The following PLEKHA6 variants were observed in gnomAD, a reference collection of about 807,000 sequenced individuals.
PLEKHA6 encodes pleckstrin homology domain containing A6, also known as pleckstrin homology domain-containing family A member 6.
PLEKHA6 carries 60 observed loss-of-function variants against 116.7 expected under a neutral mutation model. The ratio of observed to expected loss-of-function variants is 0.51; its 90% confidence interval spans 0.42 to 0.64. PLEKHA6 has a LOEUF of 0.64. Ranked by LOEUF, PLEKHA6 falls within the 30% of genes least tolerant of loss-of-function variation. The pLI is 0.00. For missense variants in PLEKHA6, 1,338 were observed against 1,422.7 expected, an observed-to-expected ratio of 0.94 and a Z score of 0.96; for synonymous variants, 489 against 556.1, an observed-to-expected ratio of 0.88 and a Z score of 1.70.
chr1:204,299,828 G>A (rs1670641627), intron 1 of PLEKHA6: 1 of 162,080 alleles, frequency 6.2e-6, no homozygotes, highest in East Asian at 1.9e-4. Flanking sequence ...CTTTGTTCCT[G>A]TGGAAACTAA....
At chr1:204,286,415 T>C (rs1669182358) in intron 1 of PLEKHA6, among the ~76,000 whole-genome samples, 1 of 151,826 alleles carries the variant, frequency 6.6e-6, no homozygotes. Context: ...TAGAGTACTC[T>C]GGGAGGGGAA....
chr1:204,314,566 C>T (rs1046198084), intron 1 of PLEKHA6, among the ~76,000 whole-genome samples: 5 of 152,196 alleles, frequency 3.3e-5, no homozygotes, highest in African/African-American at 1.2e-4. Flanking sequence ...TAGACAGACA[C>T]CTGCTGCCTC....
At chr1:204,254,831 T>C (rs1451390611) in intron 9 of PLEKHA6, among the ~76,000 whole-genome samples, 1 of 152,176 alleles carries the variant, frequency 6.6e-6, no homozygotes, top group East Asian at 1.9e-4. Flanking sequence ...TTCTAGGTCG[T>C]GGTTTGTAGC....
rs755243487 is a variant in PLEKHA6 at position 204,259,237 on chromosome 1, C to A, written c.1007+21G>T. On this transcript the variant is annotated intron_variant, in intron 8 of 22. Transcript: ENST00000272203. The surrounding 1 kb of genome is among the most constrained non-coding windows in gnomAD (Gnocchi z 4.6). ...GCCATAATACCATATCAGCCCCACC[C>A]CAGCCGCCGGCATGCCTCACCTCCG... 1 of 1,609,246 alleles carries A rather than the reference C, an allele frequency of 6.2e-7. No individual in the cohort carries two copies. Among genetic ancestry groups the A allele is most frequent in the Non-Finnish European group, 8.5e-7 (1 of 1,178,248 alleles).
chr1:204,239,947 C>T (rs977291159), intron 17 of PLEKHA6, among the ~76,000 whole-genome samples: 6 of 152,158 alleles, frequency 3.9e-5, no homozygotes, highest in African/African-American at 1.2e-4. Flanking sequence ...TGCTGGCCTA[C>T]GGGTCTTCGT....
chr1:204,223,468 G>A lies in PLEKHA6; in HGVS notation c.*2C>T, dbSNP rs1327205071. The A allele has an allele frequency of 4.6e-6, 7 of 1,520,408 alleles. No individual in the cohort carries two copies. The Admixed American group carries it at 1.4e-4, about 30-fold the overall frequency. 94.2% of individuals were successfully genotyped at this position (1,520,408 alleles called of 1,614,324 possible). A position where few individuals can be genotyped will look rare whatever the true frequency, so the allele number is the denominator to read the frequency against. ...ACAGTAGAAAAGTGCTTACGTCAGA[G>A]CTCAGACCCGCATGGTATAGCTGCT... On this transcript the variant is annotated 3_prime_UTR_variant, in exon 22 of 23. Transcript: ENST00000272203. This position sits in a 1 kb window ranked among gnomAD's most constrained non-coding sequence, Gnocchi z 4.8.
intron 1 of PLEKHA6, among the ~76,000 whole-genome samples, chr1:204,315,866 C>A (rs190764725): frequency 1.3e-5 from 2 of 152,078 alleles, no homozygotes; most frequent in Non-Finnish European, 2.9e-5. Flanking sequence ...GGAGGCTGGG[C>A]GTTTTAGAGG....
intron 1 of PLEKHA6, among the ~76,000 whole-genome samples, chr1:204,314,517 T>A (rs985830772): frequency 1.3e-5 from 2 of 152,194 alleles, no homozygotes; most frequent in African/African-American, 4.8e-5. Context: ...CCACTCCCCC[T>A]GGCCTGGGGA....
intron 2 of PLEKHA6, chr1:204,369,651 G>A (rs1469485672): frequency 6.6e-6 from 1 of 152,252 alleles, no homozygotes; most frequent in East Asian, 1.9e-4. Flanking sequence ...TGCCCGCTGA[G>A]GCAGCTGCCC....
chr1:204,335,788 G>A (rs1443447745), intron 1 of PLEKHA6, among the ~76,000 whole-genome samples: 1 of 152,110 alleles, frequency 6.6e-6, no homozygotes, highest in African/African-American at 2.4e-5. Flanking sequence ...GGCTGTGGAG[G>A]ATGACAGTGT....
intron 17 of PLEKHA6, among the ~76,000 whole-genome samples, chr1:204,233,792 A>C (rs1661563062): frequency 6.6e-6 from 1 of 152,132 alleles, no homozygotes; most frequent in South Asian, 2.1e-4. Context: ...ATTTTGCCCC[A>C]AAATGGATCA....
rs1407069338 is a variant in PLEKHA6 at position 204,230,566 on chromosome 1, C to T, written c.2430G>A (p.Val810=). 1 of 1,605,032 alleles carries T rather than the reference C, an allele frequency of 6.2e-7. No homozygotes were observed. Among genetic ancestry groups the T allele is most frequent in the Non-Finnish European group, 8.5e-7 (1 of 1,176,204 alleles). The change falls in exon 18 of 23, where the codon GTG becomes GTA. Residue 810 remains valine, a synonymous_variant. Coordinates refer to ENST00000272203, the MANE Select transcript of PLEKHA6 (RefSeq NM_014935.5). ...TCTTGACCTTCCCCTCGCCAGGAAACACAGCACTCTTGGGGCGTTCCTGCT... is the reference window on the plus strand; with the variant it reads ...TCTTGACCTTCCCCTCGCCAGGAAATACAGCACTCTTGGGGCGTTCCTGCT... ...LSSQERPKSA[V]FPGEGKVKMS...
intron 1 of PLEKHA6, among the ~76,000 whole-genome samples, chr1:204,319,054 G>C (rs1671963953): frequency 6.6e-6 from 1 of 152,180 alleles, no homozygotes; most frequent in South Asian, 2.1e-4. Flanking sequence ...ACTATGCAAA[G>C]TCCCCCAAAA....
intron 9 of PLEKHA6, chr1:204,251,752 C>T: frequency 1.7e-6 from 1 of 587,746 alleles, no homozygotes; most frequent in Non-Finnish European, 3.1e-6. Context: ...TCCTTGCTCA[C>T]CCCTAGTGAC....
At chr1:204,349,497 C>T (rs1039274883) in intron 1 of PLEKHA6, among the ~76,000 whole-genome samples, 3 of 149,050 alleles carry the variant, frequency 2.0e-5, no homozygotes, top group South Asian at 2.1e-4. Context: ...GCCAAGATCA[C>T]GCCACTGCGC....
intron 9 of PLEKHA6, among the ~76,000 whole-genome samples, chr1:204,255,089 G>A (rs1665097188): frequency 6.6e-6 from 1 of 152,184 alleles, no homozygotes; most frequent in Non-Finnish European, 1.5e-5. Flanking sequence ...TGCACGAGCT[G>A]TTTATGCAAA....
In PLEKHA6 at chr1:204,222,173, C is replaced by T. The variant is rs1384543325; in HGVS notation, c.*615G>A. 2 of 152,928 alleles carry T rather than the reference C, an allele frequency of 1.3e-5. No individual in the cohort carries two copies. The highest frequency in any genetic ancestry group is 2.9e-5 in the Non-Finnish European group (2 of 68,368). 9.5% of individuals were successfully genotyped at this position (152,928 alleles called of 1,614,324 possible). A position where few individuals can be genotyped will look rare whatever the true frequency, so the allele number is the denominator to read the frequency against. On this transcript the variant is annotated 3_prime_UTR_variant, in exon 23 of 23. Coordinates refer to ENST00000272203, the MANE Select transcript of PLEKHA6 (RefSeq NM_014935.5). Reference sequence around the variant, plus strand: ...CCAATGGCCTCTCCCCATCTCTCATCACCTTGTCTTTGGCTCAAGCAGGGT... The same window carrying T: ...CCAATGGCCTCTCCCCATCTCTCATTACCTTGTCTTTGGCTCAAGCAGGGT...
intron 1 of PLEKHA6, among the ~76,000 whole-genome samples, chr1:204,276,152 A>G (rs947115017): frequency 1.3e-5 from 2 of 152,068 alleles, no homozygotes; most frequent in African/African-American, 4.8e-5. Flanking sequence ...TTCCAAAGCT[A>G]TCGTGCTCAG....
rs772195348 is a variant in PLEKHA6 at position 204,257,544 on chromosome 1, G to A, written c.1333C>T (p.Arg445Cys). Residue 445 changes from arginine to cysteine, a missense_variant, in exon 9 of 23, where the codon CGC becomes TGC. Around this residue, in one of 3 missense-constraint regions of PLEKHA6, gnomAD observed 1,136 missense variants for 1,163.6 expected, o/e 0.98. Coordinates refer to ENST00000272203, the MANE Select transcript of PLEKHA6 (RefSeq NM_014935.5). This position sits in a 1 kb window ranked among gnomAD's most constrained non-coding sequence, Gnocchi z 6.5. The part of the protein sequence containing the change: ...DELDAASSSL[R>C]RLSLQPRSHS... Reference sequence around the variant, plus strand: ...GAGCGGGGCTGCAGGGACAGGCGGCGCAGGGAGCTAGAGGCGGCATCCAGC... The same window carrying A: ...GAGCGGGGCTGCAGGGACAGGCGGCACAGGGAGCTAGAGGCGGCATCCAGC... 5.2e-5 allele frequency: 83 copies of A among 1,595,742 alleles called. No individual in the cohort carries two copies. The highest frequency in any genetic ancestry group is 1.7e-4 in the Middle Eastern group (1 of 5,906).
Sources: gnomAD v4.1 joint callset for allele counts (sites outside exome capture counted in the v4.1 genomes callset) on GRCh38, gnomAD v4.1.1 for gene constraint, gnomAD v4.1.1 regional missense constraint, Gnocchi (gnomAD v3.1) non-coding constraint, MANE v1.5 for transcripts, NCBI Gene and HGNC (gene_info 2026-07-23, HGNC 2026-07-21) for gene names.